RBFOX1: variants seen among roughly 807,000 people sequenced by gnomAD.
RBFOX1 encodes the protein RNA binding fox-1 homolog 1.
Under a neutral mutation model 57.7 loss-of-function variants are expected in RBFOX1, and 8 were observed. That is an observed-to-expected ratio of 0.14 (90% confidence interval 0.08 to 0.25). The LOEUF is 0.25. Ranked by LOEUF, RBFOX1 falls within the 10% of genes least tolerant of loss-of-function variation. The pLI is 1.00. For synonymous variants in RBFOX1, 326 were observed against 222.4 expected, an observed-to-expected ratio of 1.47 and a Z score of -4.15; for missense variants, 611 against 548.5, an observed-to-expected ratio of 1.11 and a Z score of -1.14.
intron 5 of RBFOX1, among the ~76,000 whole-genome samples, chr16:7,578,377 G>C (rs1024678992): frequency 2.0e-5 from 3 of 152,182 alleles, no homozygotes; most frequent in African/African-American, 7.2e-5. Flanking sequence ...TAGGTCTTTT[G>C]ATACCAGAGC....
At chr16:6,209,246 G>A (rs578144791) in intron 1 of RBFOX1, among the ~76,000 whole-genome samples, 1 of 152,306 alleles carries the variant, frequency 6.6e-6, no homozygotes, top group South Asian at 2.1e-4. Flanking sequence ...CAAAACACCA[G>A]GGAAGAGGGG....
At chr16:5,939,730 A>T (rs370032434) in intron 4 of RBFOX1, among the ~76,000 whole-genome samples, 3 of 152,164 alleles carry the variant, frequency 2.0e-5, no homozygotes, top group African/African-American at 7.2e-5. Context: ...AAATCTGTGG[A>T]TGTATTCTAA....
chr16:7,124,570 C>T (rs560192099), intron 4 of RBFOX1, among the ~76,000 whole-genome samples: 1 of 136,972 alleles, frequency 7.3e-6, no homozygotes, highest in Admixed American at 7.8e-5. Flanking sequence ...TCCCTTCCTT[C>T]CTTCCTTCCT....
At chr16:6,644,108 AGAGC>A (rs1160490414) in intron 2 of RBFOX1, among the ~76,000 whole-genome samples, 1 of 152,208 alleles carries the variant, frequency 6.6e-6, no homozygotes, top group African/African-American at 2.4e-5. Flanking sequence ...CCTGGGCAAC[AGAGC>A]GAGACTCCAT....
At chr16:5,874,264 A>T (rs759497981) in intron 4 of RBFOX1, among the ~76,000 whole-genome samples, 2 of 152,238 alleles carry the variant, frequency 1.3e-5, no homozygotes, top group Admixed American at 1.3e-4. Flanking sequence ...TGGTTGATTC[A>T]AGGGATCAAT....
At position 6,899,133 on chromosome 16, in the gene RBFOX1, A is replaced by G. The variant is rs149657858; in HGVS notation, c.-15-152924A>G. On this transcript the variant is annotated intron_variant, in intron 3 of 15. Transcript: ENST00000550418. ...TATACGTGTTTATGCATATGTGTAT[A>G]TGTGTGTATGGACACACGTGTATGT... Among the ~76,000 whole-genome samples the G allele has an allele frequency of 4.4e-3, 661 of 151,466 alleles. 8 individuals carry two copies. Among genetic ancestry groups the G allele is most frequent in the Admixed American group, 0.026 (393 of 15,042 alleles).
At chr16:5,839,684 C>T (rs772591458) in intron 3 of RBFOX1, among the ~76,000 whole-genome samples, 2 of 152,078 alleles carry the variant, frequency 1.3e-5, no homozygotes, top group Non-Finnish European at 2.9e-5. Flanking sequence ...TTTGCTTCAC[C>T]ATCCTCATCC....
chr16:5,589,372 C>A (rs563009034), intron 2 of RBFOX1, among the ~76,000 whole-genome samples: 2 of 152,172 alleles, frequency 1.3e-5, no homozygotes, highest in African/African-American at 4.8e-5. Context: ...GTTGGCCAAC[C>A]TGGGGCAAGT....
At chr16:5,958,409 A>T (rs181533995) in intron 4 of RBFOX1, among the ~76,000 whole-genome samples, 29 of 152,290 alleles carry the variant, frequency 1.9e-4, no homozygotes, top group African/African-American at 5.3e-4. Flanking sequence ...TTCCTATCAT[A>T]CAGTGGTTAT....
chr16:6,991,525 A>G (rs1358885181), intron 3 of RBFOX1, among the ~76,000 whole-genome samples: 1 of 151,958 alleles, frequency 6.6e-6, no homozygotes, highest in Admixed American at 6.6e-5. Context: ...CCACTTCTCA[A>G]ATGTTTTTTC....
chr16:6,654,626 C>G lies in RBFOX1; in HGVS notation c.-40C>G, dbSNP rs1383563470. On this transcript the variant is annotated 5_prime_UTR_variant, in exon 3 of 16. Coordinates refer to ENST00000550418, the MANE Select transcript of RBFOX1 (RefSeq NM_018723.4). ...AGGATATCAAAGCAGACTGCAATAC[C>G]TGCGTGGAAATAGAAGACAGAAAGG... 6.6e-6 allele frequency: 10 copies of G among 1,510,334 alleles called. No individual in the cohort carries two copies. Among genetic ancestry groups the G allele is most frequent in the African/African-American group, 1.4e-5 (1 of 71,156 alleles). 93.6% of individuals were successfully genotyped at this position (1,510,334 alleles called of 1,614,324 possible).
chr16:6,039,623 G>C (rs1374026996), intron 1 of RBFOX1, among the ~76,000 whole-genome samples: 1 of 152,162 alleles, frequency 6.6e-6, no homozygotes, highest in East Asian at 1.9e-4. Flanking sequence ...GCCCCAGTTT[G>C]ACACTGAGTG....
chr16:5,719,466 TC>T (rs1341097130), intron 3 of RBFOX1, among the ~76,000 whole-genome samples: 1 of 151,762 alleles, frequency 6.6e-6, no homozygotes, highest in Non-Finnish European at 1.5e-5. Context: ...CACCTCGGCC[TC>T]CCAAAGTGCT....
chr16:6,058,555 C>T (rs2095642679), intron 1 of RBFOX1, among the ~76,000 whole-genome samples: 1 of 152,124 alleles, frequency 6.6e-6, no homozygotes, highest in African/African-American at 2.4e-5. Context: ...GTTTATTCAT[C>T]CATGCATCCA....
chr16:5,277,683 C>A (rs2063175575), intron 1 of RBFOX1, among the ~76,000 whole-genome samples: 1 of 152,150 alleles, frequency 6.6e-6, no homozygotes, highest in Non-Finnish European at 1.5e-5. Context: ...ACCCTACTGA[C>A]CTGATACATG....
chr16:6,251,290 C>A (rs1265313458), intron 1 of RBFOX1, among the ~76,000 whole-genome samples: 1 of 152,136 alleles, frequency 6.6e-6, no homozygotes, highest in Non-Finnish European at 1.5e-5. Flanking sequence ...ATCTGCACAG[C>A]ACCCTTGATA....
intron 2 of RBFOX1, among the ~76,000 whole-genome samples, chr16:6,606,816 A>G (rs1004702516): frequency 6.6e-5 from 10 of 152,214 alleles, no homozygotes; most frequent in Non-Finnish European, 1.3e-4. Context: ...TGCAGTGAAC[A>G]TACGCGTGCA....
chr16:7,692,394 C>T (rs904188267), intron 14 of RBFOX1, among the ~76,000 whole-genome samples: 6 of 152,098 alleles, frequency 3.9e-5, no homozygotes, highest in Admixed American at 1.3e-4. Context: ...AATGCTCCAT[C>T]ACTAGATACC....
chr16:7,595,195 C>G (rs2094624159), intron 7 of RBFOX1, among the ~76,000 whole-genome samples: 1 of 152,058 alleles, frequency 6.6e-6, no homozygotes, highest in African/African-American at 2.4e-5. Context: ...GTTCCCTTTT[C>G]TTTTCCTCAT....
Sources: gnomAD v4.1 joint callset for allele counts (sites outside exome capture counted in the v4.1 genomes callset) on GRCh38, gnomAD v4.1.1 for gene constraint, MANE v1.5 for transcripts, NCBI Gene and HGNC (gene_info 2026-07-23, HGNC 2026-07-21) for gene names.